IQSEC1: variants seen among roughly 807,000 people sequenced by gnomAD.
The protein encoded by IQSEC1 is IQ motif and Sec7 domain ArfGEF 1, also known as IQ motif and SEC7 domain-containing protein 1.
A neutral mutation model predicts 91.0 loss-of-function variants in IQSEC1; 31 were observed. The ratio of observed to expected loss-of-function variants is 0.34; its 90% CI spans 0.26 to 0.46. The LOEUF is 0.46. Among genes scored for constraint, IQSEC1 ranks in the 20% least tolerant of loss-of-function variants. The pLI is 1.00. For missense variants in IQSEC1, 1,388 were observed against 1,575.6 expected (o/e 0.88, Z 2.02); for synonymous variants, 699 against 662.6 (o/e 1.05, Z -0.84).
At chr3:12,968,832 G>A (rs1201866889) in intron 1 of IQSEC1, among the ~76,000 whole-genome samples, 1 of 152,212 alleles carries the variant, frequency 6.6e-6, no homozygotes, top group East Asian at 1.9e-4. Context: ...TCAGGAAGCT[G>A]CAAGAAGCCA....
chr3:13,072,938 A>T, intron 1 of IQSEC1, 54 bp downstream of exon 1: 2 of 1,487,466 alleles, frequency 1.3e-6, no homozygotes, highest in Non-Finnish European at 1.8e-6. Context: ...CTCCCAGCTC[A>T]GCCGGGCCCC....
Position 12,992,446 on chromosome 3 carries a change from T to A in IQSEC1, c.24-50581A>T, listed in dbSNP as rs1158528580. On this transcript the variant is annotated intron_variant, in intron 1 of 13. Transcript: ENST00000613206. The surrounding 1 kb of genome is among the most constrained non-coding windows in gnomAD (Gnocchi z 4.1). ...GCACATGGCTTCAGCAGCCTGGCCA[T>A]CTTGCCAACTGTAATGAGGAGGTGG... Among the ~76,000 whole-genome samples, 1 of 152,128 alleles carries A rather than the reference T, an allele frequency of 6.6e-6. No homozygotes were observed. Among genetic ancestry groups the A allele is most frequent in the Non-Finnish European group, 1.5e-5 (1 of 68,010 alleles).
At chr3:13,148,095 T>C (rs1464789138) in intron 2 of IQSEC1, among the ~76,000 whole-genome samples, 2 of 152,358 alleles carry the variant, frequency 1.3e-5, no homozygotes, top group African/African-American at 4.8e-5. Context: ...TGAATAAGTA[T>C]TCCCTTTTCA....
intron 1 of IQSEC1, among the ~76,000 whole-genome samples, chr3:13,278,427 A>G (rs1329654532): frequency 6.6e-6 from 1 of 152,158 alleles, no homozygotes; most frequent in East Asian, 1.9e-4. Context: ...GAAACCTCCC[A>G]TCTGGGCTTT....
At chr3:13,099,013 A>G (rs2124822230) in intron 2 of IQSEC1, among the ~76,000 whole-genome samples, 1 of 152,350 alleles carries the variant, frequency 6.6e-6, no homozygotes, top group South Asian at 2.1e-4. Flanking sequence ...AGTTCCAGAA[A>G]AGACATTGGG....
chr3:12,939,522 G>A (rs572316066), intron 2 of IQSEC1, among the ~76,000 whole-genome samples: 21 of 152,230 alleles, frequency 1.4e-4, no homozygotes, highest in East Asian at 7.7e-4. Context: ...TCGTGGAATC[G>A]GGCACCCTAC....
At chr3:13,043,676 C>A (rs932011941) in intron 1 of IQSEC1, among the ~76,000 whole-genome samples, 1 of 152,224 alleles carries the variant, frequency 6.6e-6, no homozygotes, top group Admixed American at 6.5e-5. Flanking sequence ...GCAACGACTC[C>A]AGGGCAGGGG....
chr3:13,096,391 A>G (rs900935642), intron 2 of IQSEC1, among the ~76,000 whole-genome samples: 2 of 152,222 alleles, frequency 1.3e-5, no homozygotes, highest in African/African-American at 4.8e-5. Flanking sequence ...TCCTTTGCTT[A>G]TTCACTCAAC....
intron 1 of IQSEC1, among the ~76,000 whole-genome samples, chr3:13,038,513 AGAG>A (rs1368762471): frequency 6.6e-6 from 1 of 151,994 alleles, no homozygotes; most frequent in Admixed American, 6.6e-5. Flanking sequence ...GTCGGGGGAC[AGAG>A]GGGGAGGTAG....
intron 1 of IQSEC1, among the ~76,000 whole-genome samples, chr3:13,166,202 G>A (rs1693492752): frequency 1.3e-5 from 2 of 152,248 alleles, no homozygotes; most frequent in Admixed American, 6.5e-5. Flanking sequence ...CTTGTTACAT[G>A]GTAATTGATA....
chr3:13,230,205 GAAGA>G (rs1694819481), intron 1 of IQSEC1, among the ~76,000 whole-genome samples: 1 of 152,140 alleles, frequency 6.6e-6, no homozygotes, highest in Non-Finnish European at 1.5e-5. Context: ...ATTATTACCC[GAAGA>G]AAGATGGGTG....
intron 1 of IQSEC1, among the ~76,000 whole-genome samples, chr3:13,208,565 C>G (rs934907719): frequency 6.6e-6 from 1 of 152,202 alleles, no homozygotes; most frequent in South Asian, 2.1e-4. Context: ...CCTTGGTCCC[C>G]GATCCCAGCA....
intron 1 of IQSEC1, among the ~76,000 whole-genome samples, chr3:12,947,948 C>T (rs1340647671): frequency 6.6e-6 from 1 of 152,228 alleles, no homozygotes; most frequent in African/African-American, 2.4e-5. Flanking sequence ...GCAATGGACA[C>T]CTCGCAGGAA....
intron 1 of IQSEC1, among the ~76,000 whole-genome samples, chr3:13,061,454 T>C (rs1385274412): frequency 1.3e-5 from 2 of 152,204 alleles, no homozygotes; most frequent in Non-Finnish European, 2.9e-5. Flanking sequence ...AGGTCCCAGT[T>C]GGCAAAGCAA....
chr3:13,235,943 T>C (rs1694921077), intron 1 of IQSEC1, among the ~76,000 whole-genome samples: 1 of 152,152 alleles, frequency 6.6e-6, no homozygotes, highest in South Asian at 2.1e-4. Context: ...TCTGGTCCCG[T>C]TCCTGGTCCT....
chr3:13,139,091 G>A (rs571926458), intron 2 of IQSEC1, among the ~76,000 whole-genome samples: 1 of 152,206 alleles, frequency 6.6e-6, no homozygotes, highest in Admixed American at 6.5e-5. Context: ...GCTTTCCCAA[G>A]CACCCTCAGC....
intron 1 of IQSEC1, among the ~76,000 whole-genome samples, chr3:13,204,241 G>C (rs1178047071): frequency 6.6e-6 from 1 of 152,272 alleles, no homozygotes; most frequent in Admixed American, 6.5e-5. Flanking sequence ...GACTGTCATC[G>C]AGGAAAACCT....
At chr3:13,031,083 T>C (rs1364861720) in intron 1 of IQSEC1, among the ~76,000 whole-genome samples, 1 of 152,224 alleles carries the variant, frequency 6.6e-6, no homozygotes, top group Non-Finnish European at 1.5e-5. Flanking sequence ...AACAAGACAA[T>C]GTTACCGAGT....
chr3:12,983,132 G>A lies in IQSEC1; in HGVS notation c.24-41267C>T, dbSNP rs992348109. ...TTGCACCTGCCCCTCCTATGAGACA[G>A]GGACTTTATGGCCAGCATTCCGCTG... On this transcript the variant is annotated intron_variant, in intron 1 of 13. Transcript: ENST00000613206. This position sits in a 1 kb window ranked among gnomAD's most constrained non-coding sequence, Gnocchi z 4.3. Among the ~76,000 whole-genome samples the A allele has an allele frequency of 6.6e-6, 1 of 152,206 alleles. No homozygotes were observed. Among genetic ancestry groups the A allele is most frequent in the African/African-American group, 2.4e-5 (1 of 41,452 alleles).
Sources: allele counts gnomAD v4.1 joint callset (sites outside exome capture counted in the v4.1 genomes callset), GRCh38; gene constraint gnomAD v4.1.1; non-coding constraint Gnocchi (gnomAD v3.1); transcripts MANE v1.5; gene names NCBI Gene and HGNC (gene_info 2026-07-23, HGNC 2026-07-21).